Variants in KIAA0586 observed in about 807,000 individuals in gnomAD.
The protein encoded by KIAA0586 is protein TALPID3.
KIAA0586 carries 144 observed loss-of-function variants against 169.8 expected under a neutral mutation model. The ratio of observed to expected loss-of-function variants is 0.85; its 90% CI spans 0.74 to 0.97. The LOEUF (loss-of-function observed/expected upper bound fraction) is 0.97, where lower values mean the gene tolerates loss of function less well. Among genes scored for constraint, KIAA0586 ranks in the 50% least tolerant of loss-of-function variants. The pLI is 0.00. For synonymous variants in KIAA0586, 625 were observed against 612.4 expected (o/e 1.02, Z -0.30); for missense variants, 1,854 against 1,823.0 (o/e 1.02, Z -0.31).
intron 6 of KIAA0586, among the ~76,000 whole-genome samples, chr14:58,445,633 C>T (rs2038819088): frequency 6.6e-6 from 1 of 151,672 alleles, no homozygotes; most frequent in Non-Finnish European, 1.5e-5. Context: ...AGGGTTCTAC[C>T]ATGTTGGCCA....
At chr14:58,495,272 G>A (rs2043087107) in intron 26 of KIAA0586, among the ~76,000 whole-genome samples, 1 of 151,970 alleles carries the variant, frequency 6.6e-6, no homozygotes, top group Admixed American at 6.6e-5. Flanking sequence ...ATGTATATGT[G>A]TGTATGTGTG....
intron 30 of KIAA0586, chr14:58,544,099 T>C: frequency 3.4e-6 from 1 of 295,378 alleles, no homozygotes; most frequent in Non-Finnish European, 6.7e-6. Flanking sequence ...AGTTCCCACT[T>C]ATAAGTGAGA....
chr14:58,466,553 T>C (rs1216656415), intron 15 of KIAA0586, among the ~76,000 whole-genome samples: 1 of 151,726 alleles, frequency 6.6e-6, no homozygotes, highest in Non-Finnish European at 1.5e-5. Flanking sequence ...CTGGGCAACA[T>C]AGCAAGACCT....
chr14:58,448,774 TTTAA>T (rs1217858407), intron 7 of KIAA0586, among the ~76,000 whole-genome samples: 43 of 152,236 alleles, frequency 2.8e-4, no homozygotes, highest in Admixed American at 2.3e-3. Flanking sequence ...CTTAACTGAT[TTTAA>T]TTAATCTCAT....
chr14:58,532,080 T>C (rs1305895161), intron 29 of KIAA0586, among the ~76,000 whole-genome samples: 1 of 151,782 alleles, frequency 6.6e-6, no homozygotes, highest in East Asian at 1.9e-4. Context: ...AAATACCTAA[T>C]GTAGATGATG....
At chr14:58,458,806 G>A (rs1052906849) in intron 12 of KIAA0586, among the ~76,000 whole-genome samples, 1 of 152,090 alleles carries the variant, frequency 6.6e-6, no homozygotes, top group Admixed American at 6.6e-5. Flanking sequence ...AGAAAATTTA[G>A]CAAAAGTGTT....
chr14:58,512,423 T>C, intron 28 of KIAA0586, 99 bp from the exon 29 acceptor site: 1 of 637,584 alleles, frequency 1.6e-6, no homozygotes, highest in Non-Finnish European at 2.6e-6. Flanking sequence ...AAAGCAAGCA[T>C]ATTATTAAAA....
intron 26 of KIAA0586, among the ~76,000 whole-genome samples, chr14:58,495,567 G>A (rs2141272581): frequency 6.6e-6 from 1 of 151,882 alleles, no homozygotes; most frequent in East Asian, 1.9e-4. Context: ...CAAAGTCCTG[G>A]GATTATAGGC....
At chr14:58,539,832 C>G (rs76031832) in intron 29 of KIAA0586, 3 of 313,896 alleles carry the variant, frequency 9.6e-6, no homozygotes, top group Non-Finnish European at 1.7e-5. Context: ...TTCCCCCCCC[C>G]ATCTGTGATG....
chr14:58,469,758 TAC>T (rs1349641005), intron 16 of KIAA0586, among the ~76,000 whole-genome samples: 1 of 152,192 alleles, frequency 6.6e-6, no homozygotes, highest in Admixed American at 6.5e-5. Flanking sequence ...AATAAGACTC[TAC>T]AAAAGAGGAA....
intron 26 of KIAA0586, among the ~76,000 whole-genome samples, chr14:58,492,574 ATAAG>A (rs1194361987): frequency 1.4e-4 from 22 of 152,218 alleles, no homozygotes; most frequent in Admixed American, 1.4e-3. Flanking sequence ...AGATACAAAG[ATAAG>A]TAAGACATGA....
chr14:58,557,901 CTTTTTTTTTT>C, the KIAA0586 span, among the ~76,000 whole-genome samples: 45 of 42,510 alleles, frequency 1.1e-3, 2 homozygotes, highest in South Asian at 5.4e-3. Context: ...CCTGAGAAAT[CTTTTTTTTTT>C]TTTTTTTTTT....
intron 29 of KIAA0586, among the ~76,000 whole-genome samples, chr14:58,525,956 G>A (rs1349286405): frequency 6.6e-6 from 1 of 152,250 alleles, no homozygotes; most frequent in Non-Finnish European, 1.5e-5. Context: ...AGTTGGAACT[G>A]TGTGGAACCC....
At chr14:58,430,762 A>G (rs2037297254) in intron 3 of KIAA0586, 45 bp downstream of exon 3, 1 of 1,114,562 alleles carries the variant, frequency 9.0e-7, no homozygotes, top group Non-Finnish European at 1.3e-6. Context: ...CAACATATAC[A>G]TAACATAAAG....
At chr14:58,556,596 C>A in the KIAA0586 span, among the ~76,000 whole-genome samples, 2 of 152,174 alleles carry the variant, frequency 1.3e-5, no homozygotes, top group Non-Finnish European at 2.9e-5. Context: ...CCAGAAGTAA[C>A]CACCATTCTG....
Position 58,536,299 on chromosome 14 carries a change from C to T in KIAA0586, c.4430-3772C>T, listed in dbSNP as rs57991477. Among the ~76,000 whole-genome samples, 775 of 152,174 alleles carry T rather than the reference C, an allele frequency of 5.1e-3. 7 individuals carry two copies. The highest frequency in any genetic ancestry group is 0.017 in the African/African-American group (717 of 41,512). On this transcript the variant is annotated intron_variant, in intron 29 of 30. Transcript: ENST00000652326. ...TAGGTTATTTTTCAACCCTGCCCCC[C>T]CTTCGCTGGCTTTTGGAGTTTTCAT...
chr14:58,465,979 C>G lies in KIAA0586; in HGVS notation c.2204C>G (p.Thr735Ser), dbSNP rs2040734509. 6.2e-7 allele frequency: 1 copy of G among 1,613,228 alleles called. No individual in the cohort carries two copies. Among genetic ancestry groups the G allele is most frequent in the African/African-American group, 1.3e-5 (1 of 74,886 alleles). ...YLFSPSREMP[T>S]FSGTLEGHLI... Reference sequence around the variant, plus strand: ...TTCAGCCCAAGTAGAGAAATGCCTACTTTTTCAGGTACATTGGAAGGTCAT... The same window carrying G: ...TTCAGCCCAAGTAGAGAAATGCCTAGTTTTTCAGGTACATTGGAAGGTCAT... Residue 735 changes from threonine (T) to serine (S), a missense_variant, in exon 15 of 31, where the codon ACT (threonine) becomes AGT (serine). Physicochemically the swap from Thr to Ser is moderately conservative, Grantham distance 58. Transcript: ENST00000652326.
intron 4 of KIAA0586, chr14:58,440,935 C>T (rs1310718511): frequency 6.1e-6 from 1 of 162,684 alleles, no homozygotes; most frequent in East Asian, 1.7e-4. Context: ...CAGCATGTAA[C>T]TATGGTTAAT....
rs778123212 is a variant in KIAA0586 at position 58,457,924 on chromosome 14, C to T, written c.1528C>T (p.Arg510Cys). 1.0e-5 allele frequency: 16 copies of T among 1,604,270 alleles called. No individual in the cohort carries two copies. The highest frequency in any genetic ancestry group is 1.1e-5 in the South Asian group (1 of 89,208). ...VLEENLEAIIRAKDGAAMYSL... is the reference protein window; with the variant it reads ...VLEENLEAIICAKDGAAMYSL... Reference sequence around the variant, plus strand: ...TGAAGAAAACCTGGAAGCTATTATTCGTGCAAAAGATGGAGCTGCCATGTA... The same window carrying T: ...TGAAGAAAACCTGGAAGCTATTATTTGTGCAAAAGATGGAGCTGCCATGTA... Residue 510 changes from arginine to cysteine, a missense_variant, in exon 11 of 31, where the codon CGT becomes TGT. Coordinates refer to ENST00000652326, the MANE Select transcript of KIAA0586 (RefSeq NM_001329943.3).
Sources: allele counts gnomAD v4.1 joint callset (sites outside exome capture counted in the v4.1 genomes callset), GRCh38; gene constraint gnomAD v4.1.1; transcripts MANE v1.5; gene names NCBI Gene and HGNC (gene_info 2026-07-23, HGNC 2026-07-21).